Variants in NYX observed in about 807,000 individuals in gnomAD.
NYX encodes leucine-rich repeat protein.
For missense variants in NYX, 481 were observed against 485.4 expected (o/e 0.99, Z 0.09); for synonymous variants, 258 against 245.7 (o/e 1.05, Z -0.47).
intron 2 of NYX, among the ~76,000 whole-genome samples, chrX:41,465,683 AT>A (rs11353623): frequency 0.35 from 28,785 of 83,359 alleles, 4,015 homozygotes; most frequent in South Asian, 0.57. Flanking sequence ...ACACCCAGCT[AT>A]TTTTTTTTTT....
chrX:41,474,749 C>T lies in NYX; in HGVS notation c.1281C>T (p.Asn427=). 1 of 1,194,142 alleles carries T rather than the reference C, an allele frequency of 8.4e-7. No individual in the cohort carries two copies. Among genetic ancestry groups the T allele is most frequent in the Non-Finnish European group, 1.1e-6 (1 of 888,088 alleles). Residue 427 remains asparagine, a synonymous_variant, in exon 3 of 3, where the codon AAC becomes AAT. Transcript: ENST00000378220. ...GGGTCCCGGTGGAGGAGGCGGCCAA[C>T]ACCACTGGGGGGCTGGCCAACGCCT... ...APRVPVEEAA[N]TTGGLANASL... is the part of the protein sequence containing the mutation.
chrX:41,474,133 G>A lies in NYX; in HGVS notation c.665G>A (p.Gly222Glu), dbSNP rs1334576024. ...RVRAVHAGAFGDCGVLEHLLL... is the reference protein window; with the variant it reads ...RVRAVHAGAFEDCGVLEHLLL... Reference sequence around the variant, plus strand: ...CGTGCCGTGCACGCTGGCGCCTTCGGGGACTGTGGCGTCCTGGAGCATCTG... The same window carrying A: ...CGTGCCGTGCACGCTGGCGCCTTCGAGGACTGTGGCGTCCTGGAGCATCTG... The change falls in exon 3 of 3, where the codon GGG (glycine) becomes GAG (glutamate). Residue 222 changes from glycine (G) to glutamate (E), a missense_variant. Transcript: ENST00000378220. 2.6e-6 allele frequency: 3 copies of A among 1,133,953 alleles called. No homozygotes were observed. The highest frequency in any genetic ancestry group is 3.5e-6 in the Non-Finnish European group (3 of 861,866). 93.5% of individuals were successfully genotyped at this position (1,133,953 alleles called of 1,213,427 possible).
At chrX:41,459,083 AAAC>A (rs776736635) in intron 2 of NYX, among the ~76,000 whole-genome samples, 6 of 109,482 alleles carry the variant, frequency 5.5e-5, no homozygotes, top group African/African-American at 9.9e-5. Flanking sequence ...ACTCCGTCTC[AAAC>A]AACAACAACA....
intron 2 of NYX, among the ~76,000 whole-genome samples, chrX:41,459,750 T>G (rs1255628817): frequency 1.8e-5 from 2 of 111,930 alleles, no homozygotes; most frequent in Non-Finnish European, 3.8e-5. Flanking sequence ...TGAGTAGTAT[T>G]CTACTGTACA....
At chrX:41,462,079 C>A (rs2064322341) in intron 2 of NYX, among the ~76,000 whole-genome samples, 1 of 112,185 alleles carries the variant, frequency 8.9e-6, no homozygotes, top group Non-Finnish European at 1.9e-5. Context: ...GGATTACAGG[C>A]ATGAGCCTCC....
rs2064262264 is a variant in NYX at position 41,447,500 on chromosome X, G to C, written c.-73G>C. On this transcript the variant is annotated 5_prime_UTR_variant, in exon 1 of 3. Transcript: ENST00000378220. ...GGGGGACCTCAGAGGAGCAGGACCA[G>C]GGAGACTCCCAGGACGGTAAGCAAC... 5.0e-6 allele frequency: 1 copy of C among 201,191 alleles called. No individual in the cohort carries two copies. 16.6% of individuals were successfully genotyped at this position (201,191 alleles called of 1,213,427 possible).
intron 2 of NYX, among the ~76,000 whole-genome samples, chrX:41,448,850 G>A (rs970430349): frequency 5.4e-5 from 6 of 111,093 alleles, no homozygotes; most frequent in Admixed American, 9.7e-5. Flanking sequence ...ATGAACCACC[G>A]TGCCCAGCCT....
chrX:41,454,983 C>A (rs1602172407), intron 2 of NYX, among the ~76,000 whole-genome samples: 1 of 111,840 alleles, frequency 8.9e-6, no homozygotes, highest in Non-Finnish European at 1.9e-5. Context: ...GAGCCCACAA[C>A]TAGCTTGGGC....
At chrX:41,449,759 G>A (rs1012475374) in intron 2 of NYX, among the ~76,000 whole-genome samples, 4 of 111,408 alleles carry the variant, frequency 3.6e-5, no homozygotes, top group African/African-American at 1.3e-4. Flanking sequence ...AATATATCCA[G>A]ACTTCTTGTG....
intron 2 of NYX, among the ~76,000 whole-genome samples, chrX:41,469,060 G>A (rs1017491957): frequency 2.7e-5 from 3 of 111,498 alleles, no homozygotes; most frequent in Non-Finnish European, 5.6e-5. Flanking sequence ...GTTTACAACT[G>A]AGGGGCTGTT....
chrX:41,474,544 C>A lies in NYX; in HGVS notation c.1076C>A (p.Ser359Tyr), dbSNP rs761485619. ...SGRVTDVPCA[S>Y]PGSVAGLDLS... Reference sequence around the variant, plus strand: ...CGTGTCACCGACGTGCCGTGCGCCTCCCCGGGCTCCGTGGCCGGCCTGGAC... The same window carrying A: ...CGTGTCACCGACGTGCCGTGCGCCTACCCGGGCTCCGTGGCCGGCCTGGAC... The change falls in exon 3 of 3, where the codon TCC becomes TAC. Residue 359 changes from serine to tyrosine, a missense_variant. Transcript: ENST00000378220. 5 of 1,200,567 alleles carry A rather than the reference C, an allele frequency of 4.2e-6. No individual in the cohort carries two copies. In the South Asian group the frequency reaches 9.0e-5, roughly 22 times the overall value.
intron 2 of NYX, among the ~76,000 whole-genome samples, chrX:41,470,115 G>GA (rs369023032): frequency 1.2e-3 from 126 of 104,570 alleles, no homozygotes; most frequent in East Asian, 6.9e-3. Context: ...GACTGTTACA[G>GA]AAAAAAAAAA....
Position 41,474,308 on chromosome X carries a change from G to C in NYX, c.840G>C (p.Leu280=), listed in dbSNP as rs755820494. 6 of 1,207,385 alleles carry C rather than the reference G, an allele frequency of 5.0e-6. No individual in the cohort carries two copies. The African/African-American group carries it at 8.7e-5, about 17-fold the overall frequency. The change falls in exon 3 of 3, where the codon CTG becomes CTC. Residue 280 remains leucine, a synonymous_variant. Coordinates refer to ENST00000378220, the MANE Select transcript of NYX (RefSeq NM_001378477.3). ...ADLAELELLY[L]DRNSIAFVEE... is the part of the protein sequence containing the mutation. ...TGGCCGAGCTCGAGCTGCTCTACCT[G>C]GACCGCAACAGCATCGCCTTCGTGG...
intron 2 of NYX, among the ~76,000 whole-genome samples, chrX:41,463,363 T>A (rs1309893727): frequency 8.9e-6 from 1 of 111,844 alleles, no homozygotes. Flanking sequence ...AATACATTGT[T>A]ATTTTTGTTT....
intron 2 of NYX, among the ~76,000 whole-genome samples, chrX:41,465,531 CT>C (rs767156393): frequency 0.035 from 3,252 of 91,848 alleles, 115 homozygotes; most frequent in African/African-American, 0.11. Context: ...ACCTTGAACT[CT>C]TTTTTTTTTT....
intron 2 of NYX, among the ~76,000 whole-genome samples, chrX:41,469,263 G>A (rs2858997): frequency 0.3 from 33,139 of 110,551 alleles, 3,941 homozygotes; most frequent in East Asian, 0.44. Context: ...AGGGACTTGG[G>A]TAGGCAAGGC....
At chrX:41,448,651 C>T (rs994852901) in intron 2 of NYX, among the ~76,000 whole-genome samples, 22 of 107,067 alleles carry the variant, frequency 2.1e-4, no homozygotes, top group African/African-American at 5.5e-4. Flanking sequence ...CTCCGCCTCC[C>T]GGGTTCAAGT....
chrX:41,455,583 G>T (rs1602172630), intron 2 of NYX, among the ~76,000 whole-genome samples: 1 of 109,846 alleles, frequency 9.1e-6, no homozygotes, highest in East Asian at 2.9e-4. Flanking sequence ...GCTGAGTAGG[G>T]ACCTGTCATG....
chrX:41,457,584 C>T (rs2064303722), intron 2 of NYX, among the ~76,000 whole-genome samples: 1 of 109,235 alleles, frequency 9.2e-6, no homozygotes, highest in African/African-American at 3.4e-5. Context: ...TCCCCCATAA[C>T]TTTGACCTGC....
Sources: gnomAD v4.1 joint callset for allele counts (sites outside exome capture counted in the v4.1 genomes callset) on GRCh38, gnomAD v4.1.1 for gene constraint, MANE v1.5 for transcripts, NCBI Gene and HGNC (gene_info 2026-07-23, HGNC 2026-07-21) for gene names.